The following GRIA4 variants were observed in gnomAD, a reference collection of about 807,000 sequenced individuals.
GRIA4 encodes the protein glutamate receptor 4.
A neutral mutation model predicts 104.0 loss-of-function variants in GRIA4; 34 were observed. That is an observed-to-expected ratio of 0.33 (90% CI 0.25 to 0.44). The LOEUF (loss-of-function observed/expected upper bound fraction) is 0.44, where lower values mean the gene tolerates loss of function less well. GRIA4 is among the 20% of genes least tolerant of loss of function. The pLI, the probability that GRIA4 is intolerant of heterozygous loss-of-function variation, is 1.00. For synonymous variants in GRIA4, 386 were observed against 381.9 expected, an observed-to-expected ratio of 1.01 and a Z score of -0.13; for missense variants, 750 against 1,096.5, an observed-to-expected ratio of 0.68 and a Z score of 4.46.
At chr11:105,620,612 T>C (rs946997656) in intron 3 of GRIA4, among the ~76,000 whole-genome samples, 1 of 151,884 alleles carries the variant, frequency 6.6e-6, no homozygotes, top group African/African-American at 2.4e-5. Context: ...TATGGACATA[T>C]TGATTTTTCT....
intron 4 of GRIA4, among the ~76,000 whole-genome samples, chr11:105,846,132 G>A (rs534010085): frequency 6.6e-6 from 1 of 152,176 alleles, no homozygotes; most frequent in African/African-American, 2.4e-5. Context: ...AAAATTTCCT[G>A]ACCTAACAAT....
intron 6 of GRIA4, among the ~76,000 whole-genome samples, chr11:105,896,784 C>T (rs1437319948): frequency 6.6e-6 from 1 of 152,066 alleles, no homozygotes; most frequent in Non-Finnish European, 1.5e-5. Context: ...TATTTCTGTA[C>T]CAAAACCATG....
At chr11:105,972,395 C>G (rs1351284250) in intron 15 of GRIA4, among the ~76,000 whole-genome samples, 1 of 151,938 alleles carries the variant, frequency 6.6e-6, no homozygotes, top group Non-Finnish European at 1.5e-5. Flanking sequence ...GATATATTCT[C>G]AAAACAAGAA....
In GRIA4 at chr11:105,847,989, T is replaced by C. The variant is rs893374156; in HGVS notation, c.488-14035T>C. On this transcript the variant is annotated intron_variant, in intron 4 of 16. Transcript: ENST00000282499. ...CTTGCTGAGCAGAATTTTGTGGAATTAACCAATTTAATTTTGGATAATGTC... is the reference window on the plus strand; with the variant it reads ...CTTGCTGAGCAGAATTTTGTGGAATCAACCAATTTAATTTTGGATAATGTC... Among the ~76,000 whole-genome samples the C allele has an allele frequency of 1.2e-4, 19 of 152,216 alleles. 1 individual carries two copies. Among genetic ancestry groups the C allele is most frequent in the African/African-American group, 3.1e-4 (13 of 41,464 alleles).
chr11:105,804,353 T>TGCACACACACACAC lies in GRIA4; in HGVS notation c.487+51134_487+51147dup, dbSNP rs1555012973. On this transcript the variant is annotated intron_variant, in intron 4 of 16. Transcript: ENST00000282499. ...ATTTATTAAAACACACAAACACACA[T>TGCACACACACACAC]GCACACACACACACACACACACACG... 3.6e-5 allele frequency among the ~76,000 whole-genome samples: 4 copies of TGCACACACACACAC among 109,728 alleles called. No individual in the cohort carries two copies. The East Asian group carries it at 1.0e-3, about 27-fold the overall frequency. The allele number at this position is 109,728 out of a possible 152,430, so 72.0% of individuals were successfully genotyped here. A position where few individuals can be genotyped will look rare whatever the true frequency, so the allele number is the denominator to read the frequency against.
rs570790643 is a variant in GRIA4, at chr11:105,760,060, G to A, written c.487+6840G>A. 5.9e-5 allele frequency among the ~76,000 whole-genome samples: 9 copies of A among 152,034 alleles called. No homozygotes were observed. In the South Asian group the frequency reaches 1.7e-3, roughly 28 times the overall value. ...GTATTTAGAACTCATTCCTCTCCCCGAGCCAGACTCATTTACGTAGTAACT... is the reference window on the plus strand; with the variant it reads ...GTATTTAGAACTCATTCCTCTCCCCAAGCCAGACTCATTTACGTAGTAACT... On this transcript the variant is annotated intron_variant, in intron 4 of 16. Transcript: ENST00000282499.
At chr11:105,750,804 C>T (rs1939952988) in intron 3 of GRIA4, among the ~76,000 whole-genome samples, 1 of 151,984 alleles carries the variant, frequency 6.6e-6, no homozygotes, top group South Asian at 2.1e-4. Context: ...AGCAGAAGTG[C>T]TCCTGGATTT....
chr11:105,782,640 A>C (rs1941779368), intron 4 of GRIA4, among the ~76,000 whole-genome samples: 1 of 152,208 alleles, frequency 6.6e-6, no homozygotes, highest in South Asian at 2.1e-4. Context: ...TGTGAGAAAC[A>C]CAATCTTAAC....
intron 4 of GRIA4, among the ~76,000 whole-genome samples, chr11:105,842,422 T>G (rs896593734): frequency 1.3e-5 from 2 of 152,062 alleles, no homozygotes; most frequent in Non-Finnish European, 2.9e-5. Context: ...GAAGAGACCT[T>G]AAGAAACTAC....
intron 4 of GRIA4, among the ~76,000 whole-genome samples, chr11:105,758,429 C>G (rs118183294): frequency 0.013 from 1,924 of 152,150 alleles, 18 homozygotes; most frequent in Middle Eastern, 0.048. Flanking sequence ...TGTAGGTTTT[C>G]TTACTGGTTC....
At chr11:105,799,475 CA>C (rs1942624551) in intron 4 of GRIA4, among the ~76,000 whole-genome samples, 1 of 151,878 alleles carries the variant, frequency 6.6e-6, no homozygotes, top group South Asian at 2.1e-4. Flanking sequence ...ATGCAATAAT[CA>C]ACAAAGAAGA....
intron 3 of GRIA4, among the ~76,000 whole-genome samples, chr11:105,675,914 C>A (rs1284882759): frequency 6.6e-6 from 1 of 151,732 alleles, no homozygotes; most frequent in Non-Finnish European, 1.5e-5. Context: ...TTCATTTGTT[C>A]CTAGTCTGGC....
At chr11:105,873,693 T>C (rs1028630898) in intron 5 of GRIA4, among the ~76,000 whole-genome samples, 1 of 152,150 alleles carries the variant, frequency 6.6e-6, no homozygotes, top group Non-Finnish European at 1.5e-5. Flanking sequence ...CTTTTTTTCA[T>C]GTTTCTTGGC....
At chr11:105,867,883 G>A (rs1945483997) in intron 5 of GRIA4, among the ~76,000 whole-genome samples, 1 of 152,280 alleles carries the variant, frequency 6.6e-6, no homozygotes, top group African/African-American at 2.4e-5. Flanking sequence ...GTAGGAATGA[G>A]CCAACAACTG....
chr11:105,697,022 C>T (rs1434202580), intron 3 of GRIA4, among the ~76,000 whole-genome samples: 1 of 152,118 alleles, frequency 6.6e-6, no homozygotes, highest in Non-Finnish European at 1.5e-5. Flanking sequence ...CTTTGGCCTC[C>T]CAAAGTGCTG....
chr11:105,944,149 A>G (rs1162287448), intron 14 of GRIA4, among the ~76,000 whole-genome samples: 1 of 152,200 alleles, frequency 6.6e-6, no homozygotes, highest in Non-Finnish European at 1.5e-5. Context: ...ATTGTATAAC[A>G]TAGAATCTGT....
At chr11:105,644,653 T>C (rs1951473598) in intron 3 of GRIA4, among the ~76,000 whole-genome samples, 1 of 152,092 alleles carries the variant, frequency 6.6e-6, no homozygotes, top group Non-Finnish European at 1.5e-5. Flanking sequence ...TTTTTATCTT[T>C]TTAGAAAATC....
intron 3 of GRIA4, among the ~76,000 whole-genome samples, chr11:105,659,487 T>A (rs1026511555): frequency 1.3e-5 from 2 of 151,954 alleles, no homozygotes; most frequent in African/African-American, 4.8e-5. Context: ...AATGCTGAAG[T>A]GAATTTATCA....
At chr11:105,806,689 CTTT>C (rs201148036) in intron 4 of GRIA4, among the ~76,000 whole-genome samples, 1 of 151,582 alleles carries the variant, frequency 6.6e-6, no homozygotes, top group Non-Finnish European at 1.5e-5. Context: ...TTCTAGTGAG[CTTT>C]TTAGTGCCTT....
Sources: gnomAD v4.1 joint callset for allele counts (sites outside exome capture counted in the v4.1 genomes callset) on GRCh38, gnomAD v4.1.1 for gene constraint, MANE v1.5 for transcripts, NCBI Gene and HGNC (gene_info 2026-07-23, HGNC 2026-07-21) for gene names.